Variants in MGLL observed in about 807,000 individuals in gnomAD.
MGLL encodes monoglyceride lipase.
MGLL carries 7 observed loss-of-function variants against 29.1 expected under a neutral mutation model. The ratio of observed to expected loss-of-function variants is 0.24; its 90% CI spans 0.14 to 0.45. The LOEUF is 0.45. MGLL is among the 20% of genes least tolerant of loss of function. The pLI, the probability that MGLL is intolerant of heterozygous loss-of-function variation, is 0.99. For missense variants in MGLL, 356 were observed against 413.6 expected (o/e 0.86, Z 1.21); for synonymous variants, 148 against 168.3 (o/e 0.88, Z 0.93).
At chr3:127,790,908 G>C (rs2077288991) in intron 2 of MGLL, among the ~76,000 whole-genome samples, 14 of 152,118 alleles carry the variant, frequency 9.2e-5, no homozygotes. Context: ...TTCCCCCGTG[G>C]GCTGGTGTGT....
chr3:127,710,618 G>A lies in MGLL; in HGVS notation c.558C>T (p.Leu186=), dbSNP rs768453662. The A allele has an allele frequency of 1.5e-5, 24 of 1,573,574 alleles. No individual in the cohort carries two copies. Among genetic ancestry groups the A allele is most frequent in the Admixed American group, 5.6e-5 (3 of 53,792 alleles). Residue 186 remains leucine (L), a synonymous_variant, in exon 6 of 8, where the codon CTC becomes CTT. Transcript: ENST00000265052. ...VLNLVLPNLS[L]GPIDSSVLSR... is the part of the protein sequence containing the mutation. ...AGAGCACGCTGGAGTCGATGGGCCC[G>A]AGGGACAAGTTTGGCAGCACAAGGT...
intron 3 of MGLL, among the ~76,000 whole-genome samples, chr3:127,725,323 TA>T (rs2076011364): frequency 6.6e-6 from 1 of 152,192 alleles, no homozygotes. Context: ...CATTTTTAAT[TA>T]AAAAATTGCA....
intron 3 of MGLL, among the ~76,000 whole-genome samples, chr3:127,765,351 A>G (rs1559955159): frequency 6.6e-6 from 1 of 152,244 alleles, no homozygotes; most frequent in Non-Finnish European, 1.5e-5. Flanking sequence ...TTTTGAATGA[A>G]TGACTACGCC....
At chr3:127,821,951 A>G in intron 1 of MGLL, 113 bp from the exon 2 acceptor site, 1 of 1,189,166 alleles carries the variant, frequency 8.4e-7, no homozygotes, top group Non-Finnish European at 1.2e-6. Context: ...CAGTTTAAAA[A>G]ACCCCTCTGT....
At chr3:127,710,356 G>C (rs1040156295) in intron 6 of MGLL, among the ~76,000 whole-genome samples, 1 of 152,150 alleles carries the variant, frequency 6.6e-6, no homozygotes, top group Non-Finnish European at 1.5e-5. Context: ...TCCACTGTTG[G>C]CTCCTTTCAT....
chr3:127,757,956 TG>T (rs1191655193), intron 3 of MGLL, among the ~76,000 whole-genome samples: 1 of 152,322 alleles, frequency 6.6e-6, no homozygotes, highest in Non-Finnish European at 1.5e-5. Context: ...GGGAGCTGCC[TG>T]GGGGCTTCTG....
intron 2 of MGLL, among the ~76,000 whole-genome samples, chr3:127,782,959 C>A (rs749721934): frequency 6.6e-6 from 1 of 151,850 alleles, no homozygotes; most frequent in Non-Finnish European, 1.5e-5. Context: ...GAGGCCAAGG[C>A]GGGCAGATCA....
chr3:127,758,885 C>A (rs909644372), intron 3 of MGLL, among the ~76,000 whole-genome samples: 1 of 151,542 alleles, frequency 6.6e-6, no homozygotes, highest in African/African-American at 2.4e-5. Context: ...GGGCTCCTGG[C>A]ACCTATTTCT....
At chr3:127,735,736 G>GCTCCCCGCCTT in intron 3 of MGLL, 1 of 1,597,892 alleles carries the variant, frequency 6.3e-7, no homozygotes, top group African/African-American at 1.3e-5. Context: ...GCACGTGCTC[G>GCTCCCCGCCTT]CTCCCCGCCT....
intron 3 of MGLL, among the ~76,000 whole-genome samples, chr3:127,766,336 T>C (rs2076854918): frequency 6.6e-6 from 1 of 152,222 alleles, no homozygotes; most frequent in African/African-American, 2.4e-5. Context: ...TCTCATATAA[T>C]AGCTGTTGAA....
intron 2 of MGLL, among the ~76,000 whole-genome samples, chr3:127,786,453 C>T (rs898532849): frequency 6.6e-6 from 1 of 152,240 alleles, no homozygotes; most frequent in Admixed American, 6.5e-5. Flanking sequence ...TTAACGGCTG[C>T]AGCCAGTTGG....
intron 6 of MGLL, among the ~76,000 whole-genome samples, chr3:127,705,699 C>T (rs1413600405): frequency 2.0e-5 from 3 of 150,676 alleles, no homozygotes; most frequent in African/African-American, 7.3e-5. Flanking sequence ...TCGCTTGAAT[C>T]TGGGAGGTGG....
At chr3:127,747,809 G>A (rs769848124) in intron 3 of MGLL, among the ~76,000 whole-genome samples, 2 of 152,148 alleles carry the variant, frequency 1.3e-5, no homozygotes, top group African/African-American at 2.4e-5. Flanking sequence ...CGTGATTGGA[G>A]CGGGCTTCTC....
intron 2 of MGLL, among the ~76,000 whole-genome samples, chr3:127,819,128 C>A (rs554296417): frequency 2.0e-5 from 3 of 152,150 alleles, no homozygotes; most frequent in Non-Finnish European, 4.4e-5. Flanking sequence ...GGTGTTTATA[C>A]GACAGAATTT....
Position 127,799,011 on chromosome 3 carries a change from T to C in MGLL, c.156-17116A>G, listed in dbSNP as rs2077432064. Among the ~76,000 whole-genome samples the C allele has an allele frequency of 2.0e-5, 3 of 152,200 alleles. No homozygotes were observed. The South Asian group carries it at 6.2e-4, about 31-fold the overall frequency. ...GGATTCCCACGATGAAGGGAGAACTTGGAGCCAAACACCAAAGGCCTAGAT... is the reference window on the plus strand; with the variant it reads ...GGATTCCCACGATGAAGGGAGAACTCGGAGCCAAACACCAAAGGCCTAGAT... On this transcript the variant is annotated intron_variant, in intron 2 of 7. Transcript: ENST00000265052.
At chr3:127,781,758 G>C (rs2077129236) in intron 3 of MGLL, 31 bp downstream of exon 3, 2 of 1,596,906 alleles carry the variant, frequency 1.3e-6, no homozygotes, top group African/African-American at 2.7e-5. Context: ...TCAGGGCCCA[G>C]CCAGCTCTGA....
chr3:127,751,948 C>T (rs2076566904), intron 3 of MGLL, among the ~76,000 whole-genome samples: 1 of 152,184 alleles, frequency 6.6e-6, no homozygotes, highest in Non-Finnish European at 1.5e-5. Context: ...GCTTGGTTAA[C>T]ATGCACTGCA....
At chr3:127,813,132 G>T (rs960022080) in intron 2 of MGLL, among the ~76,000 whole-genome samples, 1 of 152,144 alleles carries the variant, frequency 6.6e-6, no homozygotes, top group Non-Finnish European at 1.5e-5. Context: ...GTATGTGGCC[G>T]CCTGTGCAGT....
rs143849047 is a variant in MGLL at position 127,723,254 on chromosome 3, C to T, written c.263-688G>A. 4.9e-3 allele frequency among the ~76,000 whole-genome samples: 743 copies of T among 152,294 alleles called. 5 individuals carry two copies. The highest frequency in any genetic ancestry group is 0.016 in the African/African-American group (671 of 41,548). On this transcript the variant is annotated intron_variant, in intron 3 of 7. Transcript: ENST00000265052. Reference sequence around the variant, plus strand: ...GACATCAGTCGCTATAGAAACAACTCACTGGCTGTGGCTTCACATTCGGGC... The same window carrying T: ...GACATCAGTCGCTATAGAAACAACTTACTGGCTGTGGCTTCACATTCGGGC...
Sources: allele counts gnomAD v4.1 joint callset (sites outside exome capture counted in the v4.1 genomes callset), GRCh38; gene constraint gnomAD v4.1.1; transcripts MANE v1.5; gene names NCBI Gene and HGNC (gene_info 2026-07-23, HGNC 2026-07-21).